PDZD2: variants seen among roughly 807,000 people sequenced by gnomAD.
The protein encoded by PDZD2 is PDZ domain containing 2, also known as PDZ domain-containing protein 2.
PDZD2 carries 90 observed loss-of-function variants against 220.7 expected under a neutral mutation model. The observed-to-expected ratio is 0.41, with a 90% CI of 0.34 to 0.49. The LOEUF (loss-of-function observed/expected upper bound fraction) is 0.49, where lower values mean the gene tolerates loss of function less well. PDZD2 is among the 20% of genes least tolerant of loss of function. The pLI is 0.28. For missense variants in PDZD2, 3,174 were observed against 3,608.5 expected (o/e 0.88, Z 3.08); for synonymous variants, 1,375 against 1,450.5 (o/e 0.95, Z 1.18).
At chr5:31,692,049 G>A (rs562081220) in intron 1 of PDZD2, among the ~76,000 whole-genome samples, 9 of 152,330 alleles carry the variant, frequency 5.9e-5, no homozygotes, top group South Asian at 2.1e-4. Flanking sequence ...GGGACTGGGC[G>A]CAGTGGAGCA....
intron 1 of PDZD2, among the ~76,000 whole-genome samples, chr5:31,764,531 C>G (rs185440556): frequency 2.0e-5 from 3 of 152,162 alleles, no homozygotes; most frequent in Admixed American, 6.5e-5. Flanking sequence ...ACAAAACTTT[C>G]TTCATCTTCT....
At chr5:31,680,193 G>A (rs1474823513) in intron 1 of PDZD2, among the ~76,000 whole-genome samples, 5 of 152,066 alleles carry the variant, frequency 3.3e-5, no homozygotes, top group African/African-American at 4.8e-5. Flanking sequence ...CGGTGGGCTC[G>A]GGGAGGACAA....
rs768539621 is a variant in PDZD2 at position 32,088,686 on chromosome 5, A to G, written c.5238A>G (p.Gln1746=). ...TGCTAGATGACGAAACCCTGAATCA[A>G]TACGAAACAAGCATTAATGCAGCTG... ...HDLLDDETLN[Q]YETSINAAAS... is the part of the protein sequence containing the mutation. Residue 1746 remains glutamine, a synonymous_variant, in exon 20 of 25, where the codon CAA becomes CAG. Transcript: ENST00000438447. The surrounding 1 kb of genome is among the most constrained non-coding windows in gnomAD (Gnocchi z 4.6). 3.7e-6 allele frequency: 6 copies of G among 1,614,100 alleles called. No homozygotes were observed. The South Asian group carries it at 6.6e-5, about 18-fold the overall frequency.
chr5:31,972,754 CT>C (rs1304802472), intron 2 of PDZD2, among the ~76,000 whole-genome samples: 1 of 152,194 alleles, frequency 6.6e-6, no homozygotes, highest in African/African-American at 2.4e-5. Context: ...TGAGGTGAGA[CT>C]GACTCAATCA....
At chr5:31,921,280 T>C (rs924091766) in intron 2 of PDZD2, among the ~76,000 whole-genome samples, 3 of 152,204 alleles carry the variant, frequency 2.0e-5, no homozygotes, top group Non-Finnish European at 4.4e-5. Flanking sequence ...AAATCCTCAA[T>C]ATTCTCTGCC....
intron 6 of PDZD2, among the ~76,000 whole-genome samples, chr5:32,027,900 A>T (rs1754800586): frequency 6.6e-6 from 1 of 152,174 alleles, no homozygotes; most frequent in Non-Finnish European, 1.5e-5. Context: ...TTCCTTTGGC[A>T]ACCTAAAAAT....
Position 31,908,653 on chromosome 5 carries a change from A to G in PDZD2, c.477-74502A>G, listed in dbSNP as rs1025743750. 6.1e-6 allele frequency: 7 copies of G among 1,154,480 alleles called. No individual in the cohort carries two copies. The East Asian group carries it at 2.3e-4, about 38-fold the overall frequency. 71.5% of individuals were successfully genotyped at this position (1,154,480 alleles called of 1,614,324 possible). The stretch of plus-strand genomic sequence containing the variant: ...CAAAGGTTACGTGATATCAAAGACA[A>G]ACTTGAAGAACAGAGACCAGAAAGA... On this transcript the variant is annotated intron_variant, in intron 2 of 24. Coordinates refer to ENST00000438447, the MANE Select transcript of PDZD2 (RefSeq NM_178140.4).
intron 2 of PDZD2, among the ~76,000 whole-genome samples, chr5:31,963,495 G>A (rs572541905): frequency 9.8e-5 from 15 of 152,294 alleles, no homozygotes; most frequent in Admixed American, 6.5e-4. Flanking sequence ...TGATTTATTC[G>A]TGGTAGTTGC....
At chr5:31,712,317 G>A (rs1002559010) in intron 1 of PDZD2, among the ~76,000 whole-genome samples, 33 of 152,192 alleles carry the variant, frequency 2.2e-4, no homozygotes, top group Non-Finnish European at 4.3e-4. Context: ...TGCCTCACAC[G>A]GCGTTGACTC....
chr5:31,774,684 A>C (rs1270833594), intron 1 of PDZD2, among the ~76,000 whole-genome samples: 2 of 151,812 alleles, frequency 1.3e-5, no homozygotes, highest in African/African-American at 4.8e-5. Flanking sequence ...CCACCTTTGC[A>C]CTCCAGCCTG....
intron 2 of PDZD2, among the ~76,000 whole-genome samples, chr5:31,827,841 C>T (rs527709271): frequency 2.6e-4 from 40 of 152,128 alleles, no homozygotes; most frequent in African/African-American, 9.2e-4. Flanking sequence ...AATTTTAGGA[C>T]GTTTTTATCC....
At chr5:31,669,762 AC>A (rs1746143844) in intron 1 of PDZD2, among the ~76,000 whole-genome samples, 1 of 152,220 alleles carries the variant, frequency 6.6e-6, no homozygotes, top group South Asian at 2.1e-4. Flanking sequence ...GCTGATGCTT[AC>A]AAGAACTGTT....
chr5:32,028,813 G>T (rs1250335841), intron 6 of PDZD2, among the ~76,000 whole-genome samples: 1 of 151,894 alleles, frequency 6.6e-6, no homozygotes, highest in African/African-American at 2.4e-5. Flanking sequence ...CTCCCGAGTA[G>T]CTGGGATTAT....
chr5:31,912,336 G>T (rs1399261102), intron 2 of PDZD2, among the ~76,000 whole-genome samples: 1 of 151,426 alleles, frequency 6.6e-6, no homozygotes, highest in Non-Finnish European at 1.5e-5. Flanking sequence ...TCCCACTCAT[G>T]AGCGCTCCTC....
At chr5:32,097,781 C>T (rs1743861571) in intron 22 of PDZD2, among the ~76,000 whole-genome samples, 1 of 152,166 alleles carries the variant, frequency 6.6e-6, no homozygotes, top group Non-Finnish European at 1.5e-5. Flanking sequence ...CTTCACTGCA[C>T]GAGCCCAGGC....
intron 1 of PDZD2, among the ~76,000 whole-genome samples, chr5:31,736,931 G>A (rs1301117632): frequency 6.6e-6 from 1 of 151,656 alleles, no homozygotes; most frequent in African/African-American, 2.4e-5. Flanking sequence ...TTTTCACCAT[G>A]GGACGTGCTT....
chr5:31,821,959 T>C (rs7705051), intron 2 of PDZD2, among the ~76,000 whole-genome samples: 93,320 of 151,540 alleles, frequency 0.62, 29,206 homozygotes, highest in African/African-American at 0.68. Flanking sequence ...GTTTTCTGTT[T>C]CTGTGTTAGT....
chr5:31,909,876 T>A (rs1399358544), intron 2 of PDZD2, among the ~76,000 whole-genome samples: 2 of 152,200 alleles, frequency 1.3e-5, no homozygotes, highest in African/African-American at 2.4e-5. Flanking sequence ...ACTGTAATAT[T>A]TATATTCATG....
chr5:32,089,449 T>A lies in PDZD2; in HGVS notation c.6001T>A (p.Phe2001Ile). ...TCCTGAGCAAGGCATGTGGAGCAGG[T>A]TCCACATGGCTGTCCTCTCTGAACC... ...PVPEQGMWSR[F>I]HMAVLSEPDR... is the part of the protein sequence containing the mutation. The change falls in exon 20 of 25, where the codon TTC (phenylalanine) becomes ATC (isoleucine). Residue 2001 changes from phenylalanine to isoleucine, a missense_variant. Around this residue, in one of 4 missense-constraint regions of PDZD2, gnomAD observed 1,861 missense variants for 2,001.0 expected, o/e 0.93. Transcript: ENST00000438447. The A allele has an allele frequency of 6.2e-7, 1 of 1,613,938 alleles. No individual in the cohort carries two copies. The highest frequency in any genetic ancestry group is 1.3e-5 in the African/African-American group (1 of 75,062).
Sources: allele counts gnomAD v4.1 joint callset (sites outside exome capture counted in the v4.1 genomes callset), GRCh38; gene constraint gnomAD v4.1.1; regional missense constraint gnomAD v4.1.1; non-coding constraint Gnocchi (gnomAD v3.1); transcripts MANE v1.5; gene names NCBI Gene and HGNC (gene_info 2026-07-23, HGNC 2026-07-21).